CRYBG3: variants seen among roughly 807,000 people sequenced by gnomAD.
The protein encoded by CRYBG3 is very large A-kinase anchor protein.
CRYBG3 carries 127 observed loss-of-function variants against 244.2 expected under a neutral mutation model. That is an observed-to-expected ratio of 0.52 (90% CI 0.45 to 0.60). The LOEUF (loss-of-function observed/expected upper bound fraction) is 0.60. Among genes scored for constraint, CRYBG3 ranks in the 20% least tolerant of loss-of-function variants. The probability of loss-of-function intolerance (pLI) is 0.00; values close to 1 mark genes in which losing one functional copy is unlikely to be tolerated. For missense variants in CRYBG3, 3,325 were observed against 3,442.5 expected, an observed-to-expected ratio of 0.97 and a Z score of 0.85; for synonymous variants, 1,132 against 1,195.8, an observed-to-expected ratio of 0.95 and a Z score of 1.10.
Position 97,822,287 on chromosome 3 carries a change from C to G in CRYBG3, c.81C>G (p.Asp27Glu). 2.6e-6 allele frequency: 4 copies of G among 1,530,982 alleles called. No individual in the cohort carries two copies. 94.8% of individuals were successfully genotyped at this position (1,530,982 alleles called of 1,614,324 possible). The part of the protein sequence containing the change: ...RFFAPRSPSR[D>E]KEEEEEERPG... ...TCGCTCCCCGAAGTCCTTCCCGGGA[C>G]AAGGAAGAGGAAGAGGAGGAGAGGC... The change falls in exon 1 of 22, where the codon GAC (aspartate) becomes GAG (glutamate). Residue 27 changes from aspartate to glutamate, a missense_variant. By Grantham distance (45) the Asp-to-Glu change is conservative (BLOSUM62 2). This residue lies in a region of CRYBG3 where 1,526 missense variants were observed against 1,443.2 expected (regional missense o/e 1.06). Coordinates refer to ENST00000389622, the MANE Select transcript of CRYBG3 (RefSeq NM_153605.4).
intron 3 of CRYBG3, among the ~76,000 whole-genome samples, chr3:97,869,021 T>C (rs1053714239): frequency 3.9e-5 from 6 of 151,988 alleles, no homozygotes; most frequent in Admixed American, 2.0e-4. Context: ...AAAAAAAACC[T>C]GTCATTTTTT....
At chr3:97,898,818 AG>A in intron 12 of CRYBG3, 64 bp from the exon 13 acceptor site, 4 of 1,158,490 alleles carry the variant, frequency 3.5e-6, no homozygotes, top group Non-Finnish European at 4.8e-6. Context: ...ATATTTTGCT[AG>A]ATAATAGCAG....
chr3:97,899,180 A>G lies in CRYBG3; in HGVS notation c.7888A>G (p.Ile2630Val). 1 of 1,613,848 alleles carries G rather than the reference A, an allele frequency of 6.2e-7. No homozygotes were observed. The highest frequency in any genetic ancestry group is 2.2e-5 in the East Asian group (1 of 44,832). ...QQKFFCGEQY[I>V]LEKGKYKCFF... ...AAAGTTCTTCTGTGGAGAACAATAC[A>G]TTTTAGAAAAAGGGAAATACAAATG... The change falls in exon 14 of 22, where the codon ATT becomes GTT. Residue 2630 changes from isoleucine (I) to valine (V), a missense_variant. Coordinates refer to ENST00000389622, the MANE Select transcript of CRYBG3 (RefSeq NM_153605.4).
chr3:97,861,169 C>T (rs1313536521), intron 2 of CRYBG3, among the ~76,000 whole-genome samples: 1 of 152,140 alleles, frequency 6.6e-6, no homozygotes, highest in African/African-American at 2.4e-5. Flanking sequence ...CTCCAGTCTT[C>T]ATCAGCCATA....
intron 18 of CRYBG3, among the ~76,000 whole-genome samples, chr3:97,935,234 T>C (rs2040149565): frequency 6.6e-6 from 1 of 152,090 alleles, no homozygotes; most frequent in South Asian, 2.1e-4. Flanking sequence ...GGAATTCATT[T>C]AAATCAATAT....
chr3:97,928,744 T>G (rs2040066246), intron 17 of CRYBG3, among the ~76,000 whole-genome samples: 1 of 151,966 alleles, frequency 6.6e-6, no homozygotes, highest in Non-Finnish European at 1.5e-5. Flanking sequence ...ATAGTGAAAT[T>G]TATGCACAGC....
intron 10 of CRYBG3, among the ~76,000 whole-genome samples, chr3:97,889,733 G>A (rs919798302): frequency 1.3e-5 from 2 of 152,084 alleles, no homozygotes; most frequent in Admixed American, 6.6e-5. Flanking sequence ...GATATCTAGC[G>A]GGCATTTGGG....
chr3:97,893,863 C>T (rs2039609456), intron 11 of CRYBG3, among the ~76,000 whole-genome samples: 1 of 152,060 alleles, frequency 6.6e-6, no homozygotes, highest in African/African-American at 2.4e-5. Context: ...CACTCAAGGG[C>T]CTATATTTAG....
At chr3:97,896,798 A>T (rs1010525906) in intron 12 of CRYBG3, among the ~76,000 whole-genome samples, 1 of 152,164 alleles carries the variant, frequency 6.6e-6, no homozygotes, top group African/African-American at 2.4e-5. Flanking sequence ...TGTGAAGGAC[A>T]GCCCCCAACA....
intron 3 of CRYBG3, among the ~76,000 whole-genome samples, chr3:97,865,666 G>A (rs1413924008): frequency 1.3e-5 from 2 of 152,128 alleles, no homozygotes; most frequent in African/African-American, 4.8e-5. Flanking sequence ...ATCGAGCAGA[G>A]TAGGCAGCCT....
Position 97,877,221 on chromosome 3 carries a change from G to A in CRYBG3, c.6027G>A (p.Glu2009=), listed in dbSNP as rs1195505514. The A allele has an allele frequency of 6.2e-7, 1 of 1,613,986 alleles. No individual in the cohort carries two copies. Among genetic ancestry groups the A allele is most frequent in the Admixed American group, 1.7e-5 (1 of 60,012 alleles). ...TATTATACGAAGAGCCCCTTCAAGA[G>A]GAGGACAAGTATGCTTCCGCAGAAG... ...FTILYEEPLQ[E]EDKYASAEAR... Residue 2009 remains glutamate, a synonymous_variant, in exon 4 of 22, where the codon GAG becomes GAA. Transcript: ENST00000389622.
rs551860702 is a variant in CRYBG3, at chr3:97,890,296, AG to A, written c.7440+907del. 2.1e-4 allele frequency among the ~76,000 whole-genome samples: 32 copies of A among 152,352 alleles called. No individual in the cohort carries two copies. The East Asian group carries it at 3.9e-3, about 18-fold the overall frequency. On this transcript the variant is annotated intron_variant, in intron 10 of 21. Transcript: ENST00000389622. ...TTGGGCCGTGGTCAACAGTTTGCAA[AG>A]AGTCCTAGGTGATTCTATTTGCAGT...
intron 1 of CRYBG3, among the ~76,000 whole-genome samples, chr3:97,827,660 C>A (rs975916773): frequency 3.3e-5 from 5 of 152,080 alleles, no homozygotes; most frequent in African/African-American, 1.2e-4. Context: ...ACCCTTAATA[C>A]CCTTTATTAA....
At chr3:97,869,612 T>C (rs960766299) in intron 3 of CRYBG3, among the ~76,000 whole-genome samples, 1 of 152,164 alleles carries the variant, frequency 6.6e-6, no homozygotes, top group Non-Finnish European at 1.5e-5. Context: ...AAGACCCAAA[T>C]GTCAAATAAT....
chr3:97,916,262 A>C (rs1322652922), intron 17 of CRYBG3, among the ~76,000 whole-genome samples: 1 of 152,170 alleles, frequency 6.6e-6, no homozygotes, highest in Non-Finnish European at 1.5e-5. Flanking sequence ...GTCTGCTACT[A>C]AGGTTAACTA....
intron 2 of CRYBG3, among the ~76,000 whole-genome samples, chr3:97,853,901 A>T (rs1468688699): frequency 6.6e-6 from 1 of 152,110 alleles, no homozygotes; most frequent in Non-Finnish European, 1.5e-5. Context: ...TCTCTGCCTA[A>T]GTCAATGTCT....
At chr3:97,923,016 G>T (rs982698125) in intron 17 of CRYBG3, among the ~76,000 whole-genome samples, 19 of 152,074 alleles carry the variant, frequency 1.2e-4, no homozygotes, top group African/African-American at 4.1e-4. Context: ...CCATAAAAAA[G>T]GATGAGTTCA....
intron 17 of CRYBG3, among the ~76,000 whole-genome samples, chr3:97,918,045 A>G (rs1238903647): frequency 6.6e-6 from 1 of 152,194 alleles, no homozygotes; most frequent in Non-Finnish European, 1.5e-5. Flanking sequence ...ATCCAGTGTA[A>G]TTCTGGATTC....
At chr3:97,911,010 C>T (rs994736295) in intron 15 of CRYBG3, among the ~76,000 whole-genome samples, 2 of 152,178 alleles carry the variant, frequency 1.3e-5, no homozygotes, top group Non-Finnish European at 2.9e-5. Flanking sequence ...TTTAATCCTC[C>T]AAATACAGTG....
Sources: gnomAD v4.1 joint callset for allele counts (sites outside exome capture counted in the v4.1 genomes callset) on GRCh38, gnomAD v4.1.1 for gene constraint, gnomAD v4.1.1 regional missense constraint, MANE v1.5 for transcripts, NCBI Gene and HGNC (gene_info 2026-07-23, HGNC 2026-07-21) for gene names.